CDH4: variants seen among roughly 807,000 people sequenced by gnomAD.
The protein encoded by CDH4 is cadherin-4.
CDH4 carries 33 observed loss-of-function variants against 86.0 expected under a neutral mutation model. That is an observed-to-expected ratio of 0.38 (90% CI 0.29 to 0.51). CDH4 has a LOEUF of 0.51. Ranked by LOEUF, CDH4 falls within the 20% of genes least tolerant of loss-of-function variation. CDH4 has a pLI of 0.86. For synonymous variants in CDH4, 555 were observed against 549.4 expected, an observed-to-expected ratio of 1.01 and a Z score of -0.14; for missense variants, 1,114 against 1,307.4, an observed-to-expected ratio of 0.85 and a Z score of 2.28.
At chr20:61,659,714 G>A (rs569386759) in intron 2 of CDH4, among the ~76,000 whole-genome samples, 5 of 151,948 alleles carry the variant, frequency 3.3e-5, no homozygotes, top group South Asian at 2.1e-4. Flanking sequence ...TCAGGCATCC[G>A]AGGCTTGGAG....
intron 2 of CDH4, among the ~76,000 whole-genome samples, chr20:61,456,542 A>G (rs1360053942): frequency 6.6e-6 from 1 of 152,248 alleles, no homozygotes; most frequent in Non-Finnish European, 1.5e-5. Context: ...CAGCTCCCAC[A>G]TCAATAAATA....
chr20:61,439,632 C>T (rs7274450), intron 2 of CDH4, among the ~76,000 whole-genome samples: 5,298 of 152,324 alleles, frequency 0.035, 288 homozygotes, highest in African/African-American at 0.12. Context: ...CCAGAAGGCT[C>T]CTGTGACCCA....
At position 61,709,763 on chromosome 20, in the gene CDH4, TAGC is replaced by T. The variant is rs1229437837; in HGVS notation, c.170-33797_170-33795del. On this transcript the variant is annotated intron_variant, in intron 2 of 15. Transcript: ENST00000614565. This position sits in a 1 kb window ranked among gnomAD's most constrained non-coding sequence, Gnocchi z 4.8. ...CCCCTGGTCCTCACGAAGCCCAAAA[TAGC>T]AGGATGGAGCGGGAGGTAGAGGTTC... Among the ~76,000 whole-genome samples, 2 of 152,150 alleles carry T rather than the reference TAGC, an allele frequency of 1.3e-5. No homozygotes were observed. The highest frequency in any genetic ancestry group is 4.8e-5 in the African/African-American group (2 of 41,432).
intron 2 of CDH4, among the ~76,000 whole-genome samples, chr20:61,523,474 C>T (rs73150296): frequency 0.048 from 7,271 of 152,366 alleles, 242 homozygotes; most frequent in Non-Finnish European, 0.077. Context: ...TTCCCCGCCA[C>T]GTGCTCTTCC....
chr20:61,851,753 C>G (rs1437001872), intron 5 of CDH4, among the ~76,000 whole-genome samples: 1 of 152,188 alleles, frequency 6.6e-6, no homozygotes, highest in East Asian at 1.9e-4. Context: ...TGTCCTCTGC[C>G]TTGGCCTGTT....
chr20:61,300,546 C>T (rs79788629), intron 2 of CDH4, among the ~76,000 whole-genome samples: 2,578 of 152,310 alleles, frequency 0.017, 73 homozygotes, highest in African/African-American at 0.057. Flanking sequence ...CCCTGCCGGG[C>T]TCTCTTCCTC....
At chr20:61,297,398 GA>G (rs923410773) in intron 2 of CDH4, among the ~76,000 whole-genome samples, 9 of 151,344 alleles carry the variant, frequency 5.9e-5, no homozygotes, top group African/African-American at 2.2e-4. Context: ...TCAAAAAACA[GA>G]AAAAAAAAGT....
chr20:61,632,537 G>A (rs73917339), intron 2 of CDH4, among the ~76,000 whole-genome samples: 12 of 152,158 alleles, frequency 7.9e-5, no homozygotes, highest in South Asian at 2.1e-4. Flanking sequence ...ATACCAGCCC[G>A]GCTTCCCCCT....
intron 2 of CDH4, among the ~76,000 whole-genome samples, chr20:61,346,023 C>T (rs1424580631): frequency 6.6e-6 from 1 of 152,218 alleles, no homozygotes; most frequent in Admixed American, 6.5e-5. Flanking sequence ...GCAGAACACA[C>T]AGGGAAGTAC....
chr20:61,770,762 A>G (rs1201876480), intron 3 of CDH4, among the ~76,000 whole-genome samples: 1 of 151,976 alleles, frequency 6.6e-6, no homozygotes, highest in Non-Finnish European at 1.5e-5. Context: ...GGGCGCCTGT[A>G]GTCCCAGCTA....
At chr20:61,595,237 C>A (rs1430154741) in intron 2 of CDH4, among the ~76,000 whole-genome samples, 1 of 152,228 alleles carries the variant, frequency 6.6e-6, no homozygotes, top group Non-Finnish European at 1.5e-5. Context: ...CCCAGCCCTG[C>A]ATGTGTGAGG....
intron 2 of CDH4, among the ~76,000 whole-genome samples, chr20:61,422,016 C>T (rs1361340422): frequency 6.6e-6 from 1 of 152,162 alleles, no homozygotes; most frequent in Non-Finnish European, 1.5e-5. Context: ...GTCAGAGGCT[C>T]AAAACCAAAC....
At chr20:61,283,454 T>G (rs1429356593) in intron 2 of CDH4, among the ~76,000 whole-genome samples, 1,521 of 137,818 alleles carry the variant, frequency 0.011, 131 homozygotes, top group Non-Finnish European at 0.012. Context: ...GTGTGATGTG[T>G]GTGCGTTTGC....
intron 2 of CDH4, among the ~76,000 whole-genome samples, chr20:61,483,738 G>A (rs1474342266): frequency 7.3e-6 from 1 of 136,926 alleles, no homozygotes; most frequent in African/African-American, 2.8e-5. Context: ...GTGGATGCAT[G>A]CCCTGGAGAA....
chr20:61,331,577 A>T, intron 2 of CDH4, among the ~76,000 whole-genome samples: 1 of 150,500 alleles, frequency 6.6e-6, no homozygotes, highest in Non-Finnish European at 1.5e-5. Flanking sequence ...CTGCCTGACC[A>T]CCTGCCCCAG....
At chr20:61,753,085 C>T (rs978189141) in intron 3 of CDH4, among the ~76,000 whole-genome samples, 6 of 152,078 alleles carry the variant, frequency 3.9e-5, no homozygotes, top group African/African-American at 1.4e-4. Flanking sequence ...GATGGGGGCA[C>T]GTGGTAAGCA....
chr20:61,373,661 T>C (rs1421714262), intron 2 of CDH4, among the ~76,000 whole-genome samples: 1 of 152,164 alleles, frequency 6.6e-6, no homozygotes, highest in African/African-American at 2.4e-5. Flanking sequence ...TACACCTGAA[T>C]TGCCAGGTGA....
At chr20:61,405,251 G>C (rs769005364) in intron 2 of CDH4, among the ~76,000 whole-genome samples, 1 of 151,350 alleles carries the variant, frequency 6.6e-6, no homozygotes, top group Non-Finnish European at 1.5e-5. Context: ...TTTCTCCCAC[G>C]CGCCGTTCTC....
chr20:61,592,809 C>G (rs577169784), intron 2 of CDH4, among the ~76,000 whole-genome samples: 1 of 152,158 alleles, frequency 6.6e-6, no homozygotes, highest in East Asian at 1.9e-4. Context: ...GTTTTTATTG[C>G]AGAATCACTT....
Sources: allele counts gnomAD v4.1 joint callset (sites outside exome capture counted in the v4.1 genomes callset), GRCh38; gene constraint gnomAD v4.1.1; non-coding constraint Gnocchi (gnomAD v3.1); transcripts MANE v1.5; gene names NCBI Gene and HGNC (gene_info 2026-07-23, HGNC 2026-07-21).